Variants in GULP1 observed in about 807,000 individuals in gnomAD.
GULP1 encodes the protein PTB domain-containing engulfment adapter protein 1.
Under a neutral mutation model 40.9 loss-of-function variants are expected in GULP1, and 19 were observed. The observed-to-expected ratio is 0.46, with a 90% confidence interval of 0.32 to 0.68. GULP1 has a LOEUF of 0.68. GULP1 is among the 30% of genes least tolerant of loss of function. GULP1 has a pLI of 0.03. For missense variants in GULP1, 312 were observed against 362.2 expected (o/e 0.86, Z 1.12); for synonymous variants, 119 against 117.6 (o/e 1.01, Z -0.08).
At chr2:188,483,830 C>T (rs2061629954) in intron 4 of GULP1, among the ~76,000 whole-genome samples, 1 of 152,002 alleles carries the variant, frequency 6.6e-6, no homozygotes. Context: ...CATTATACAA[C>T]CTAAATATAA....
At chr2:188,377,076 G>A (rs1446410204) in intron 1 of GULP1, among the ~76,000 whole-genome samples, 1 of 151,984 alleles carries the variant, frequency 6.6e-6, no homozygotes, top group African/African-American at 2.4e-5. Context: ...GGAGGCTGAG[G>A]CAGGAGAATT....
chr2:188,526,494 C>T (rs1475866751), intron 5 of GULP1, among the ~76,000 whole-genome samples: 2 of 151,794 alleles, frequency 1.3e-5, no homozygotes, highest in African/African-American at 4.8e-5. Flanking sequence ...ACATATCTTC[C>T]TAAGATTAAT....
intron 3 of GULP1, among the ~76,000 whole-genome samples, chr2:188,481,683 G>A (rs2061458694): frequency 6.6e-6 from 1 of 151,878 alleles, no homozygotes; most frequent in African/African-American, 2.4e-5. Context: ...CTCAGGATTG[G>A]TGTGACCCAT....
At chr2:188,534,405 A>G (rs990969051) in intron 6 of GULP1, among the ~76,000 whole-genome samples, 3 of 152,078 alleles carry the variant, frequency 2.0e-5, no homozygotes, top group Non-Finnish European at 2.9e-5. Flanking sequence ...ACCATATACC[A>G]TATATTCTTA....
At chr2:188,452,982 T>G (rs2152925481) in intron 2 of GULP1, among the ~76,000 whole-genome samples, 1 of 152,138 alleles carries the variant, frequency 6.6e-6, no homozygotes, top group East Asian at 1.9e-4. Flanking sequence ...ACAAAAGGTA[T>G]ATTTGCCCTT....
intron 2 of GULP1, among the ~76,000 whole-genome samples, chr2:188,436,367 A>T (rs894917800): frequency 1.3e-5 from 2 of 152,128 alleles, no homozygotes; most frequent in African/African-American, 4.8e-5. Flanking sequence ...AAGTAATACA[A>T]TAGTAACAAA....
chr2:188,407,291 A>G (rs967746317), intron 2 of GULP1, among the ~76,000 whole-genome samples: 6 of 152,228 alleles, frequency 3.9e-5, no homozygotes, highest in African/African-American at 1.2e-4. Context: ...GATGCTAATT[A>G]CTACCATGAA....
At chr2:188,394,818 T>C (rs59173558) in intron 2 of GULP1, among the ~76,000 whole-genome samples, 82 of 152,318 alleles carry the variant, frequency 5.4e-4, no homozygotes, top group African/African-American at 1.9e-3. Context: ...TCCTTGGTTA[T>C]AGAGGGTGTT....
At chr2:188,313,662 T>G (rs1387893045) in intron 1 of GULP1, among the ~76,000 whole-genome samples, 1 of 152,154 alleles carries the variant, frequency 6.6e-6, no homozygotes, top group Non-Finnish European at 1.5e-5. Flanking sequence ...ATGTCAATGG[T>G]AGTTTGATGG....
intron 7 of GULP1, among the ~76,000 whole-genome samples, chr2:188,554,149 C>G (rs1246706714): frequency 6.6e-6 from 1 of 151,638 alleles, no homozygotes; most frequent in Non-Finnish European, 1.5e-5. Flanking sequence ...TCATTTAGTT[C>G]TGCTCTGATC....
At chr2:188,331,203 T>G (rs1246052474) in intron 1 of GULP1, among the ~76,000 whole-genome samples, 1 of 152,258 alleles carries the variant, frequency 6.6e-6, no homozygotes, top group African/African-American at 2.4e-5. Flanking sequence ...ATCTTACAGT[T>G]GAGACAGGCC....
intron 1 of GULP1, among the ~76,000 whole-genome samples, chr2:188,309,127 G>C (rs1245840561): frequency 6.6e-6 from 1 of 151,710 alleles, no homozygotes; most frequent in Non-Finnish European, 1.5e-5. Flanking sequence ...TTTTCTTTTC[G>C]ATCCTGTCTT....
At chr2:188,434,681 AT>A (rs1289020571) in intron 2 of GULP1, among the ~76,000 whole-genome samples, 4 of 151,096 alleles carry the variant, frequency 2.6e-5, no homozygotes, top group African/African-American at 9.7e-5. Flanking sequence ...CCTTTTAGAC[AT>A]TACTTACTTT....
intron 4 of GULP1, among the ~76,000 whole-genome samples, chr2:188,493,630 C>A (rs1232934945): frequency 6.6e-6 from 1 of 152,022 alleles, no homozygotes; most frequent in African/African-American, 2.4e-5. Context: ...AACATAAGGA[C>A]AAATCCCCAA....
chr2:188,558,313 TGAG>T (rs1695349636), intron 7 of GULP1, among the ~76,000 whole-genome samples: 2 of 152,040 alleles, frequency 1.3e-5, no homozygotes, highest in South Asian at 4.2e-4. Context: ...ATAAGTCTCA[TGAG>T]ATCTGATGGT....
rs149778353 is a variant in GULP1 at position 188,395,957 on chromosome 2, C to T, written c.-45+12068C>T. Among the ~76,000 whole-genome samples, 47 of 152,274 alleles carry T rather than the reference C, an allele frequency of 3.1e-4. No homozygotes were observed. In the East Asian group the frequency reaches 9.1e-3, roughly 29 times the overall value. ...AAATGCCAGTTGTAGTAGTAATGAACTGGTCACATGGACAGACTCAGGACC... is the reference window on the plus strand; with the variant it reads ...AAATGCCAGTTGTAGTAGTAATGAATTGGTCACATGGACAGACTCAGGACC... On this transcript the variant is annotated intron_variant, in intron 2 of 11. Transcript: ENST00000409830.
intron 2 of GULP1, among the ~76,000 whole-genome samples, chr2:188,435,150 C>A (rs984572184): frequency 9.2e-5 from 14 of 151,982 alleles, no homozygotes; most frequent in South Asian, 2.1e-4. Context: ...CACTCTTATT[C>A]CAGTTTGTCT....
At chr2:188,538,667 C>G (rs904829707) in intron 6 of GULP1, among the ~76,000 whole-genome samples, 3 of 149,378 alleles carry the variant, frequency 2.0e-5, no homozygotes, top group Admixed American at 6.7e-5. Context: ...ATGCTGATTG[C>G]GGTATGTGTG....
At chr2:188,501,442 GT>G (rs2063426886) in intron 4 of GULP1, among the ~76,000 whole-genome samples, 1 of 151,900 alleles carries the variant, frequency 6.6e-6, no homozygotes, top group South Asian at 2.1e-4. Flanking sequence ...AAATTACTCA[GT>G]CTCAGATAGT....
Sources: gnomAD v4.1 joint callset for allele counts (sites outside exome capture counted in the v4.1 genomes callset) on GRCh38, gnomAD v4.1.1 for gene constraint, MANE v1.5 for transcripts, NCBI Gene and HGNC (gene_info 2026-07-23, HGNC 2026-07-21) for gene names.